The following ATG5 variants were observed in gnomAD, a reference collection of about 807,000 sequenced individuals.
The protein encoded by ATG5 is autophagy related 5.
ATG5 carries 14 observed loss-of-function variants against 36.5 expected under a neutral mutation model. The ratio of observed to expected loss-of-function variants is 0.38; its 90% CI spans 0.25 to 0.60. The LOEUF (loss-of-function observed/expected upper bound fraction) is 0.60. Among genes scored for constraint, ATG5 ranks in the 20% least tolerant of loss-of-function variants. The probability of loss-of-function intolerance (pLI) is 0.60; values close to 1 mark genes in which losing one functional copy is unlikely to be tolerated. For synonymous variants in ATG5, 95 were observed against 101.5 expected, an observed-to-expected ratio of 0.94 and a Z score of 0.38; for missense variants, 195 against 326.7, an observed-to-expected ratio of 0.60 and a Z score of 3.11.
intron 4 of ATG5, chr6:106,283,719 T>C (rs1779970510): frequency 6.6e-6 from 1 of 152,260 alleles, no homozygotes; most frequent in Non-Finnish European, 1.5e-5. Context: ...GACTAGTTCT[T>C]AGGTATTTTA....
At chr6:106,273,464 C>G (rs1022787934) in intron 5 of ATG5, among the ~76,000 whole-genome samples, 1 of 152,102 alleles carries the variant, frequency 6.6e-6, no homozygotes, top group Admixed American at 6.6e-5. Flanking sequence ...CATCTATCAT[C>G]AGAATTAAGG....
rs926060903 is a variant in ATG5, at chr6:106,184,661, T to C, written c.*1879A>G. 7 of 152,232 alleles carry C rather than the reference T, an allele frequency of 4.6e-5. No homozygotes were observed. Among genetic ancestry groups the C allele is most frequent in the African/African-American group, 1.2e-4 (5 of 41,442 alleles). The allele number at this position is 152,232 out of a possible 1,614,324, so 9.4% of individuals were successfully genotyped here. ...ACAATAATGAATGAGGAAGTAAAAATGGGCAATGTCTTCATAAAATTTACT... is the reference window on the plus strand; with the variant it reads ...ACAATAATGAATGAGGAAGTAAAAACGGGCAATGTCTTCATAAAATTTACT... On this transcript the variant is annotated 3_prime_UTR_variant, in exon 8 of 8. Coordinates refer to ENST00000369076, the MANE Select transcript of ATG5 (RefSeq NM_004849.4).
At chr6:106,234,351 G>C (rs1777810087) in intron 6 of ATG5, among the ~76,000 whole-genome samples, 1 of 152,070 alleles carries the variant, frequency 6.6e-6, no homozygotes, top group Non-Finnish European at 1.5e-5. Context: ...CTGTATTTCA[G>C]GCCATGCATT....
chr6:106,195,347 G>A (rs773335300), intron 7 of ATG5, among the ~76,000 whole-genome samples: 17 of 151,996 alleles, frequency 1.1e-4, no homozygotes, highest in Admixed American at 3.3e-4. Context: ...AAAGTCTTTC[G>A]CTTTCAACTT....
At chr6:106,260,252 T>C (rs758349771) in intron 5 of ATG5, among the ~76,000 whole-genome samples, 1 of 152,218 alleles carries the variant, frequency 6.6e-6, no homozygotes, top group African/African-American at 2.4e-5. Context: ...GAACTTAAAG[T>C]ATAATTTTTT....
In ATG5 at chr6:106,230,148, T is replaced by C. The variant is rs368147953; in HGVS notation, c.573+18002A>G. On this transcript the variant is annotated intron_variant, in intron 6 of 7. Coordinates refer to ENST00000369076, the MANE Select transcript of ATG5 (RefSeq NM_004849.4). ...ATTCAGTAATTGATAGGGAGACTCTTGTGGAAGCAGAGTTAGAAAAATTGC... is the reference window on the plus strand; with the variant it reads ...ATTCAGTAATTGATAGGGAGACTCTCGTGGAAGCAGAGTTAGAAAAATTGC... 2.7e-4 allele frequency among the ~76,000 whole-genome samples: 41 copies of C among 152,332 alleles called. No individual in the cohort carries two copies. The East Asian group carries it at 5.4e-3, about 20-fold the overall frequency.
chr6:106,299,976 C>T (rs993772537), intron 3 of ATG5, among the ~76,000 whole-genome samples: 2 of 152,192 alleles, frequency 1.3e-5, no homozygotes, highest in African/African-American at 2.4e-5. Context: ...TTGATGATTG[C>T]TGTGAATACT....
At chr6:106,201,505 T>C (rs535039659) in intron 7 of ATG5, among the ~76,000 whole-genome samples, 3 of 152,298 alleles carry the variant, frequency 2.0e-5, no homozygotes, top group Non-Finnish European at 4.4e-5. Context: ...AACGAACTTG[T>C]AGATTGTCAA....
chr6:106,208,062 A>T (rs1776706403), intron 6 of ATG5, among the ~76,000 whole-genome samples: 1 of 152,236 alleles, frequency 6.6e-6, no homozygotes, highest in Admixed American at 6.5e-5. Flanking sequence ...ACTGCACTCT[A>T]GCCTGGGCAA....
intron 6 of ATG5, among the ~76,000 whole-genome samples, chr6:106,232,340 T>C (rs919160344): frequency 6.6e-6 from 1 of 152,138 alleles, no homozygotes; most frequent in Non-Finnish European, 1.5e-5. Context: ...ACTGGGGAAC[T>C]TCACTCTTTT....
intron 4 of ATG5, among the ~76,000 whole-genome samples, chr6:106,280,025 T>C (rs1378964962): frequency 6.6e-6 from 1 of 152,128 alleles, no homozygotes; most frequent in Non-Finnish European, 1.5e-5. Flanking sequence ...ATAATTCTTA[T>C]GTGTTTTATA....
intron 3 of ATG5, among the ~76,000 whole-genome samples, chr6:106,307,997 A>T (rs1250248250): frequency 6.6e-6 from 1 of 152,190 alleles, no homozygotes; most frequent in Non-Finnish European, 1.5e-5. Context: ...TAAGGTAATC[A>T]TGTATATAAA....
At chr6:106,217,057 T>G (rs940351238) in intron 6 of ATG5, among the ~76,000 whole-genome samples, 4 of 152,150 alleles carry the variant, frequency 2.6e-5, no homozygotes, top group African/African-American at 9.7e-5. Context: ...GCATCATACC[T>G]TATGTTTGTT....
At chr6:106,297,757 CACACACACAT>C (rs754318152) in intron 3 of ATG5, among the ~76,000 whole-genome samples, 1,619 of 116,040 alleles carry the variant, frequency 0.014, 24 homozygotes, top group East Asian at 0.092. Flanking sequence ...CACACACACA[CACACACACAT>C]ATATATTTTA....
intron 6 of ATG5, among the ~76,000 whole-genome samples, chr6:106,229,548 G>T (rs1277333636): frequency 1.3e-5 from 2 of 150,800 alleles, no homozygotes; most frequent in African/African-American, 4.9e-5. Flanking sequence ...GAAAGACAAA[G>T]ATAGAAATAG....
chr6:106,256,508 G>A (rs1778804874), intron 5 of ATG5, among the ~76,000 whole-genome samples: 1 of 152,136 alleles, frequency 6.6e-6, no homozygotes, highest in Non-Finnish European at 1.5e-5. Context: ...AAAAAACATA[G>A]TCATGCTTCA....
At chr6:106,218,769 A>G (rs1448559240) in intron 6 of ATG5, among the ~76,000 whole-genome samples, 1 of 152,202 alleles carries the variant, frequency 6.6e-6, no homozygotes, top group Non-Finnish European at 1.5e-5. Flanking sequence ...GAGTCAGAAT[A>G]TGACTTACTT....
At chr6:106,288,498 C>T (rs924260923) in intron 4 of ATG5, among the ~76,000 whole-genome samples, 6 of 151,940 alleles carry the variant, frequency 3.9e-5, no homozygotes, top group African/African-American at 1.2e-4. Flanking sequence ...TATTTATCTC[C>T]CAGAAAATAG....
chr6:106,199,918 A>C (rs185253679), intron 7 of ATG5, among the ~76,000 whole-genome samples: 1 of 152,338 alleles, frequency 6.6e-6, no homozygotes, highest in African/African-American at 2.4e-5. Context: ...AAAGGCTAGT[A>C]AAGTTCAAGG....
Sources: gnomAD v4.1 joint callset for allele counts (sites outside exome capture counted in the v4.1 genomes callset) on GRCh38, gnomAD v4.1.1 for gene constraint, MANE v1.5 for transcripts, NCBI Gene and HGNC (gene_info 2026-07-23, HGNC 2026-07-21) for gene names.